The following WDR64 variants were observed in gnomAD, a reference collection of about 807,000 sequenced individuals.
WDR64 encodes the protein WD repeat domain 64, also known as WD repeat-containing protein 64.
Under a neutral mutation model 139.3 loss-of-function variants are expected in WDR64, and 112 were observed. The ratio of observed to expected loss-of-function variants is 0.80; its 90% confidence interval spans 0.69 to 0.94. WDR64 has a LOEUF of 0.94. Ranked by LOEUF, WDR64 falls within the 40% of genes least tolerant of loss-of-function variation. The pLI is 0.00. For synonymous variants in WDR64, 444 were observed against 437.7 expected (o/e 1.01, Z -0.18); for missense variants, 1,206 against 1,293.1 (o/e 0.93, Z 1.03).
At position 241,660,515 on chromosome 1, in the gene WDR64, CT is replaced by C. The variant is rs1330931978; in HGVS notation, c.146-9del. 2 of 1,550,006 alleles carry C rather than the reference CT, an allele frequency of 1.3e-6. No homozygotes were observed. Among genetic ancestry groups the C allele is most frequent in the Non-Finnish European group, 1.7e-6 (2 of 1,145,780 alleles). On this transcript the variant is annotated splice_polypyrimidine_tract_variant and intron_variant, in intron 1 of 27. Transcript: ENST00000437684. The stretch of plus-strand genomic sequence containing the variant: ...TGGAATTTGATGAAAATGGACTGTA[CT>C]TTTTTCAATGCAGATGCAATTGGTT...
chr1:241,766,469 G>A, intron 16 of WDR64, 118 bp downstream of exon 16: 1 of 1,163,296 alleles, frequency 8.6e-7, no homozygotes, highest in South Asian at 1.8e-5. Context: ...CCAGAACTTT[G>A]GGAGGAGGAT....
chr1:241,702,910 A>G (rs1353214831), intron 8 of WDR64, among the ~76,000 whole-genome samples: 2 of 152,182 alleles, frequency 1.3e-5, no homozygotes, highest in Admixed American at 6.5e-5. Context: ...GGCAAAATCT[A>G]CAATATTTGT....
chr1:241,661,171 A>C (rs1665818909), intron 2 of WDR64, among the ~76,000 whole-genome samples: 1 of 152,010 alleles, frequency 6.6e-6, no homozygotes, highest in Non-Finnish European at 1.5e-5. Context: ...TTTAAAAAAA[A>C]AATAGAAATA....
At position 241,699,009 on chromosome 1, in the gene WDR64, G is replaced by A. The variant is rs1039626447; in HGVS notation, c.974+11414G>A. ...GAAGAATGAGAAAACTGAGGGAAAAGGCCTTTATGAAACCATCAAATCTCA... is the reference window on the plus strand; with the variant it reads ...GAAGAATGAGAAAACTGAGGGAAAAAGCCTTTATGAAACCATCAAATCTCA... On this transcript the variant is annotated intron_variant, in intron 8 of 27. Transcript: ENST00000437684. Among the ~76,000 whole-genome samples, 31 of 152,112 alleles carry A rather than the reference G, an allele frequency of 2.0e-4. 1 individual carries two copies. The highest frequency in any genetic ancestry group is 4.6e-4 in the Non-Finnish European group (31 of 68,020).
chr1:241,717,453 A>C (rs1668446331), intron 9 of WDR64, among the ~76,000 whole-genome samples: 1 of 152,108 alleles, frequency 6.6e-6, no homozygotes, highest in African/African-American at 2.4e-5. Flanking sequence ...ACTAGATGCT[A>C]TCTCTCTCCT....
rs780489411 is a variant in WDR64 at position 241,794,504 on chromosome 1, G to GCTTT, written c.2998-703_2998-702insCTTT. 5.1e-3 allele frequency among the ~76,000 whole-genome samples: 419 copies of GCTTT among 81,468 alleles called. 5 individuals carry two copies. The highest frequency in any genetic ancestry group is 0.018 in the African/African-American group (408 of 23,020). The allele number at this position is 81,468 out of a possible 152,430, so 53.4% of individuals were successfully genotyped here. A position where few individuals can be genotyped will look rare whatever the true frequency, so the allele number is the denominator to read the frequency against. On this transcript the variant is annotated intron_variant, in intron 25 of 27. Coordinates refer to ENST00000437684, the MANE Select transcript of WDR64 (RefSeq NM_001367482.1). ...TGCCCCACATATTTTAAGCTTTACT[G>GCTTT]TTTTTTTTTTTTTTTTTTTTTTGAG...
chr1:241,749,574 G>T lies in WDR64; in HGVS notation c.1622G>T (p.Ser541Ile). The T allele has an allele frequency of 6.2e-7, 1 of 1,614,126 alleles. No individual in the cohort carries two copies. Among genetic ancestry groups the T allele is most frequent in the East Asian group, 2.2e-5 (1 of 44,880 alleles). The stretch of plus-strand genomic sequence containing the variant: ...ACAGTCAGAATCTGGGACTTTGGCA[G>T]TGGGCAGGAGATGAAGGTGTTGCCG... ...NGTVRIWDFG[S>I]GQEMKVLPEG... is the part of the protein sequence containing the mutation. The change falls in exon 14 of 28, where the codon AGT (serine) becomes ATT (isoleucine). Residue 541 changes from serine to isoleucine, a missense_variant. Coordinates refer to ENST00000437684, the MANE Select transcript of WDR64 (RefSeq NM_001367482.1).
chr1:241,723,230 T>G (rs1260655605), intron 9 of WDR64, 67 bp from the exon 10 acceptor site: 2 of 1,580,674 alleles, frequency 1.3e-6, no homozygotes, highest in Non-Finnish European at 1.7e-6. Context: ...TATGATACAG[T>G]GAGAGATACA....
At position 241,736,475 on chromosome 1, in the gene WDR64, T is replaced by C. The variant is rs185610037; in HGVS notation, c.1195-1888T>C. On this transcript the variant is annotated intron_variant, in intron 10 of 27. Transcript: ENST00000437684. ...GATAGAGAAGGCCTTTGAGAGGAAA[T>C]TGCAGATGAAAGGAAGAGTTTGTGT... Among the ~76,000 whole-genome samples the C allele has an allele frequency of 1.2e-4, 18 of 146,922 alleles. No homozygotes were observed. The East Asian group carries it at 3.4e-3, about 28-fold the overall frequency.
rs58166732 is a variant in WDR64 at position 241,744,531 on chromosome 1, C to T, written c.1594+15C>T. ...AGCGTATAATGGTCAGACTAACATC[C>T]AGAATGTGGCGTCCCTGCTTTAGTG... On this transcript the variant is annotated intron_variant, in intron 13 of 27. Coordinates refer to ENST00000437684, the MANE Select transcript of WDR64 (RefSeq NM_001367482.1). 0.015 allele frequency: 24,665 copies of T among 1,612,058 alleles called. 3,324 individuals are homozygous for T. The African/African-American group carries it at 0.29, about 19-fold the overall frequency.
Position 241,687,534 on chromosome 1 carries a change from T to C in WDR64, c.913T>C (p.Cys305Arg). The C allele has an allele frequency of 6.2e-7, 1 of 1,613,620 alleles. No individual in the cohort carries two copies. Among genetic ancestry groups the C allele is most frequent in the Non-Finnish European group, 8.5e-7 (1 of 1,179,612 alleles). Residue 305 changes from cysteine to arginine, a missense_variant, in exon 8 of 28, where the codon TGC becomes CGC. Transcript: ENST00000437684. ...TTCAGCCCTAAATTGTTTTGGATCC[T>C]GCTCCTTAGACAGTAATCATTCATT... ...YISALNCFGSCSLDSNHSLVL... is the reference protein window; with the variant it reads ...YISALNCFGSRSLDSNHSLVL...
intron 8 of WDR64, among the ~76,000 whole-genome samples, chr1:241,701,239 A>G (rs986982873): frequency 7.2e-5 from 11 of 152,258 alleles, no homozygotes; most frequent in Admixed American, 6.5e-4. Flanking sequence ...AATTCACGCC[A>G]TTCCATTTAC....
At chr1:241,712,024 T>C (rs12092919) in intron 9 of WDR64, 143 bp downstream of exon 9, 179,583 of 791,810 alleles carry the variant, frequency 0.23, 23,369 homozygotes, top group African/African-American at 0.38. Context: ...TTCTGGCGTC[T>C]GGATTTGATA....
At chr1:241,698,612 T>G (rs1289990145) in intron 8 of WDR64, among the ~76,000 whole-genome samples, 1 of 152,112 alleles carries the variant, frequency 6.6e-6, no homozygotes, top group Non-Finnish European at 1.5e-5. Context: ...AAATCTGAAC[T>G]GCTTGCTGCT....
At chr1:241,799,202 C>CA (rs4046210) in intron 27 of WDR64, among the ~76,000 whole-genome samples, 15 of 33,328 alleles carry the variant, frequency 4.5e-4, no homozygotes, top group Admixed American at 1.9e-3. Context: ...TTTGTCTCTC[C>CA]AAAAAAAAAA....
At chr1:241,732,763 T>G (rs1669132876) in intron 10 of WDR64, among the ~76,000 whole-genome samples, 1 of 151,738 alleles carries the variant, frequency 6.6e-6, no homozygotes, top group Non-Finnish European at 1.5e-5. Flanking sequence ...GAGGTTGCAG[T>G]GAGCTGAAAT....
chr1:241,743,949 C>A (rs1669649835), intron 12 of WDR64, among the ~76,000 whole-genome samples: 1 of 152,182 alleles, frequency 6.6e-6, no homozygotes, highest in Non-Finnish European at 1.5e-5. Context: ...GGTCGGTGAG[C>A]TCTTTCCTCA....
chr1:241,749,006 C>T (rs1388055056), intron 13 of WDR64, among the ~76,000 whole-genome samples: 1 of 151,936 alleles, frequency 6.6e-6, no homozygotes, highest in Non-Finnish European at 1.5e-5. Context: ...CGACACTTTT[C>T]TTTCACTTTC....
chr1:241,739,318 G>A lies in WDR64; in HGVS notation c.1321+829G>A, dbSNP rs558964364. On this transcript the variant is annotated intron_variant, in intron 11 of 27. Coordinates refer to ENST00000437684, the MANE Select transcript of WDR64 (RefSeq NM_001367482.1). Reference sequence around the variant, plus strand: ...GTCCTCCTTCTAGAAGCCAAAATGAGTGAATTTCCTAAGCATTTTCCCACT... The same window carrying A: ...GTCCTCCTTCTAGAAGCCAAAATGAATGAATTTCCTAAGCATTTTCCCACT... Among the ~76,000 whole-genome samples, 3 of 152,278 alleles carry A rather than the reference G, an allele frequency of 2.0e-5. No individual in the cohort carries two copies. In the East Asian group the frequency reaches 5.8e-4, roughly 29 times the overall value.
Sources: gnomAD v4.1 joint callset for allele counts (sites outside exome capture counted in the v4.1 genomes callset) on GRCh38, gnomAD v4.1.1 for gene constraint, MANE v1.5 for transcripts, NCBI Gene and HGNC (gene_info 2026-07-23, HGNC 2026-07-21) for gene names.